Variants in SEPTIN9 observed in about 807,000 individuals in gnomAD.
The protein encoded by SEPTIN9 is septin 9, also known as septin-9.
SEPTIN9 carries 13 observed loss-of-function variants against 56.6 expected under a neutral mutation model. That is an observed-to-expected ratio of 0.23 (90% CI 0.15 to 0.37). The LOEUF (loss-of-function observed/expected upper bound fraction) is 0.37, where lower values mean the gene tolerates loss of function less well. SEPTIN9 is among the 10% of genes least tolerant of loss of function. The probability of loss-of-function intolerance (pLI) is 1.00; values close to 1 mark genes in which losing one functional copy is unlikely to be tolerated. For synonymous variants in SEPTIN9, 332 were observed against 334.1 expected (o/e 0.99, Z 0.07); for missense variants, 650 against 823.1 (o/e 0.79, Z 2.57).
At chr17:77,420,783 C>T (rs563815712) in intron 3 of SEPTIN9, among the ~76,000 whole-genome samples, 1 of 152,156 alleles carries the variant, frequency 6.6e-6, no homozygotes, top group African/African-American at 2.4e-5. Context: ...ATCTTTCTGG[C>T]AACAGTCAGT....
chr17:77,409,148 A>T (rs2036197681), intron 3 of SEPTIN9, among the ~76,000 whole-genome samples: 1 of 151,968 alleles, frequency 6.6e-6, no homozygotes, highest in Non-Finnish European at 1.5e-5. Flanking sequence ...TGCAGAGGGC[A>T]CCCAGGTCCC....
intron 3 of SEPTIN9, among the ~76,000 whole-genome samples, chr17:77,426,333 G>GT (rs2036909303): frequency 6.6e-6 from 1 of 152,070 alleles, no homozygotes; most frequent in Non-Finnish European, 1.5e-5. Context: ...GGTGTAAAGG[G>GT]TGCCCCCCCG....
In SEPTIN9 at chr17:77,453,540, G is replaced by T. The variant is rs1396794319; in HGVS notation, c.722-28604G>T. Among the ~76,000 whole-genome samples, 1 of 151,890 alleles carries T rather than the reference G, an allele frequency of 6.6e-6. No individual in the cohort carries two copies. The highest frequency in any genetic ancestry group is 1.5e-5 in the Non-Finnish European group (1 of 67,980). Reference sequence around the variant, plus strand: ...GAATCACTTGAACCTGGGAGGTGGAGGTTGCAGTGAGCTGAGATTGTGCTA... The same window carrying T: ...GAATCACTTGAACCTGGGAGGTGGATGTTGCAGTGAGCTGAGATTGTGCTA... On this transcript the variant is annotated intron_variant, in intron 3 of 11. Transcript: ENST00000427177. This position sits in a 1 kb window ranked among gnomAD's most constrained non-coding sequence, Gnocchi z 4.4.
At position 77,475,301 on chromosome 17, in the gene SEPTIN9, G is replaced by A. The variant is rs898326792; in HGVS notation, c.722-6843G>A. The stretch of plus-strand genomic sequence containing the variant: ...AGAGCAGGCTCTGTGTGGGAGCGGG[G>A]AGGGCAAGCCCTGGTTGCGAGGCAG... On this transcript the variant is annotated intron_variant, in intron 3 of 11. Transcript: ENST00000427177. The surrounding 1 kb of genome is among the most constrained non-coding windows in gnomAD (Gnocchi z 4.6). The A allele has an allele frequency of 7.0e-6, 10 of 1,420,482 alleles. No individual in the cohort carries two copies. In the South Asian group the frequency reaches 1.4e-4, roughly 20 times the overall value. 88.0% of individuals were successfully genotyped at this position (1,420,482 alleles called of 1,614,324 possible). A position where few individuals can be genotyped will look rare whatever the true frequency, so the allele number is the denominator to read the frequency against.
Position 77,402,916 on chromosome 17 carries a change from G to A in SEPTIN9, c.721+213G>A, listed in dbSNP as rs1191416233. Among the ~76,000 whole-genome samples the A allele has an allele frequency of 6.6e-6, 1 of 152,168 alleles. No homozygotes were observed. The highest frequency in any genetic ancestry group is 2.4e-5 in the African/African-American group (1 of 41,426). ...GGGAACATGCCAAGATGCCCCAAGCGGGACTTGAATGAGAGTTTGGAAAGA... is the reference window on the plus strand; with the variant it reads ...GGGAACATGCCAAGATGCCCCAAGCAGGACTTGAATGAGAGTTTGGAAAGA... On this transcript the variant is annotated intron_variant, in intron 3 of 11. Coordinates refer to ENST00000427177, the MANE Select transcript of SEPTIN9 (RefSeq NM_001113491.2). The surrounding 1 kb of genome is among the most constrained non-coding windows in gnomAD (Gnocchi z 6.6).
chr17:77,435,938 C>T lies in SEPTIN9; in HGVS notation c.721+33235C>T, dbSNP rs765584826. Among the ~76,000 whole-genome samples the T allele has an allele frequency of 5.3e-5, 8 of 152,224 alleles. No individual in the cohort carries two copies. The highest frequency in any genetic ancestry group is 9.6e-5 in the African/African-American group (4 of 41,458). ...TCCTCCACCTGGAAAAACCTTACAC[C>T]GTTTAGGGCTTGAGGCAGGGCTAGA... On this transcript the variant is annotated intron_variant, in intron 3 of 11. Coordinates refer to ENST00000427177, the MANE Select transcript of SEPTIN9 (RefSeq NM_001113491.2). This position sits in a 1 kb window ranked among gnomAD's most constrained non-coding sequence, Gnocchi z 4.5.
At chr17:77,412,102 C>T (rs1342470378) in intron 3 of SEPTIN9, among the ~76,000 whole-genome samples, 1 of 149,110 alleles carries the variant, frequency 6.7e-6, no homozygotes, top group East Asian at 2.0e-4. Flanking sequence ...TGCACTCCAG[C>T]CTGGGTGACA....
chr17:77,383,697 G>A (rs541290720), intron 2 of SEPTIN9, among the ~76,000 whole-genome samples: 9 of 152,362 alleles, frequency 5.9e-5, no homozygotes, highest in East Asian at 5.8e-4. Flanking sequence ...GCTGGGAGGC[G>A]TGGGAGAGGG....
chr17:77,287,809 C>T, intron 1 of SEPTIN9: 1 of 887,106 alleles, frequency 1.1e-6, no homozygotes, highest in Non-Finnish European at 1.4e-6. Context: ...TTCTCCAAAG[C>T]ATGACTGTTG....
intron 2 of SEPTIN9, among the ~76,000 whole-genome samples, chr17:77,368,617 T>C (rs777537019): frequency 4.6e-5 from 7 of 152,178 alleles, no homozygotes; most frequent in Non-Finnish European, 8.8e-5. Context: ...TGGCCAAAAA[T>C]GGTAAATTTT....
chr17:77,329,051 G>A lies in SEPTIN9; in HGVS notation c.76+21854G>A, dbSNP rs537425489. Among the ~76,000 whole-genome samples the A allele has an allele frequency of 1.9e-4, 29 of 152,334 alleles. No homozygotes were observed. In the South Asian group the frequency reaches 3.5e-3, roughly 18 times the overall value. On this transcript the variant is annotated intron_variant, in intron 2 of 11. Transcript: ENST00000427177. This position sits in a 1 kb window ranked among gnomAD's most constrained non-coding sequence, Gnocchi z 4.3. ...TGGGGAAGGTGGGAGTGGCTGGAGTGTGTTTTCAGAGACGGGCCATGGTGA... is the reference window on the plus strand; with the variant it reads ...TGGGGAAGGTGGGAGTGGCTGGAGTATGTTTTCAGAGACGGGCCATGGTGA...
intron 2 of SEPTIN9, among the ~76,000 whole-genome samples, chr17:77,378,026 T>C (rs312829): frequency 0.68 from 103,400 of 151,952 alleles, 35,423 homozygotes; most frequent in African/African-American, 0.74. Flanking sequence ...CGACTACGAG[T>C]TGGTTCATTT....
intron 1 of SEPTIN9, among the ~76,000 whole-genome samples, chr17:77,303,602 A>G (rs1467324852): frequency 1.3e-5 from 2 of 151,718 alleles, no homozygotes; most frequent in Non-Finnish European, 2.9e-5. Context: ...AATCTCAGCT[A>G]CTTGGGAGGC....
Position 77,499,064 on chromosome 17 carries a change from C to T in SEPTIN9, c.*406C>T, listed in dbSNP as rs573021460. The stretch of plus-strand genomic sequence containing the variant: ...AGAGGAGCCCAGTGGGCTGCACGCT[C>T]CCCTCCATCCCCATCGGCCCTGTCC... On this transcript the variant is annotated 3_prime_UTR_variant, in exon 12 of 12. Transcript: ENST00000427177. The T allele has an allele frequency of 7.5e-6, 4 of 536,756 alleles. 1 individual carries two copies. The highest frequency in any genetic ancestry group is 3.9e-5 in the East Asian group (1 of 25,714). The allele number at this position is 536,756 out of a possible 1,614,324, so 33.2% of individuals were successfully genotyped here.
chr17:77,386,413 T>C (rs931190174), intron 2 of SEPTIN9, among the ~76,000 whole-genome samples: 1 of 152,160 alleles, frequency 6.6e-6, no homozygotes, highest in Admixed American at 6.5e-5. Context: ...GATGGGTATC[T>C]GGGAGATGCT....
At chr17:77,293,243 T>C (rs1339150257) in intron 1 of SEPTIN9, among the ~76,000 whole-genome samples, 6 of 152,118 alleles carry the variant, frequency 3.9e-5, no homozygotes, top group Non-Finnish European at 8.8e-5. Context: ...GGTCCTGAAC[T>C]CCCAACCTCA....
At chr17:77,320,917 G>A (rs1356729518) in intron 2 of SEPTIN9, among the ~76,000 whole-genome samples, 2 of 152,356 alleles carry the variant, frequency 1.3e-5, no homozygotes, top group East Asian at 1.9e-4. Context: ...GTCCATTCAC[G>A]CTGGCAGCCC....
chr17:77,394,912 T>C (rs985092329), intron 2 of SEPTIN9, among the ~76,000 whole-genome samples: 8 of 152,228 alleles, frequency 5.3e-5, no homozygotes, highest in Non-Finnish European at 7.4e-5. Flanking sequence ...TGTGGCCTCT[T>C]TTTGTGTAGC....
intron 3 of SEPTIN9, among the ~76,000 whole-genome samples, chr17:77,416,675 T>G (rs559932416): frequency 6.6e-6 from 1 of 152,320 alleles, no homozygotes; most frequent in African/African-American, 2.4e-5. Flanking sequence ...CTTGCTTTGC[T>G]TAGCCAGGCT....
Sources: allele counts gnomAD v4.1 joint callset (sites outside exome capture counted in the v4.1 genomes callset), GRCh38; gene constraint gnomAD v4.1.1; non-coding constraint Gnocchi (gnomAD v3.1); transcripts MANE v1.5; gene names NCBI Gene and HGNC (gene_info 2026-07-23, HGNC 2026-07-21).